The following C8A variants were observed in gnomAD, a reference collection of about 807,000 sequenced individuals.
C8A encodes the protein complement C8 alpha chain.
In C8A, 67 loss-of-function variants were observed where a neutral mutation model predicts 65.3. That is an observed-to-expected ratio of 1.03 (90% confidence interval 0.84 to 1.26). The LOEUF is 1.26. Among genes scored for constraint, C8A ranks in the 50% most tolerant of loss-of-function variants. The probability of loss-of-function intolerance (pLI) is 0.00; values close to 1 mark genes in which losing one functional copy is unlikely to be tolerated. For synonymous variants in C8A, 290 were observed against 259.4 expected, an observed-to-expected ratio of 1.12 and a Z score of -1.13; for missense variants, 781 against 723.9, an observed-to-expected ratio of 1.08 and a Z score of -0.90.
At chr1:56,894,624 T>A (rs553418108) in intron 7 of C8A, among the ~76,000 whole-genome samples, 4 of 152,242 alleles carry the variant, frequency 2.6e-5, no homozygotes, top group African/African-American at 9.6e-5. Flanking sequence ...GGACAGAAGT[T>A]AAAACCTCAC....
In C8A at chr1:56,917,664, A is replaced by G. The variant is rs781398784; in HGVS notation, c.1703A>G (p.Gln568Arg). 2.4e-5 allele frequency: 38 copies of G among 1,614,090 alleles called. No individual in the cohort carries two copies. Among genetic ancestry groups the G allele is most frequent in the Non-Finnish European group, 1.3e-5 (15 of 1,180,034 alleles). The change falls in exon 11 of 11, where the codon CAG (glutamine) becomes CGG (arginine). Residue 568 changes from glutamine (Q) to arginine (R), a missense_variant. Gln to Arg is a conservative substitution (Grantham distance 43). Coordinates refer to ENST00000361249, the MANE Select transcript of C8A (RefSeq NM_000562.3). ...AGAGAGTGTGACAATCCAGCACCTC[A>G]GAATGGAGGGGCCTCGTGTCCAGGG... ...RRRECDNPAP[Q>R]NGGASCPGRK...
In C8A at chr1:56,876,123, T is replaced by C; in HGVS notation, c.378T>C (p.Asp126=). The C allele has an allele frequency of 6.2e-7, 1 of 1,613,856 alleles. No individual in the cohort carries two copies. The highest frequency in any genetic ancestry group is 8.5e-7 in the Non-Finnish European group (1 of 1,179,872). Residue 126 remains aspartate (D), a synonymous_variant, in exon 4 of 11, where the codon GAT becomes GAC. Transcript: ENST00000361249. ...ACCAGGACTGCCTTGATGGCTCTGA[T>C]GAGGACGACTGTGAAGATGTCAGGG... ...NGDQDCLDGS[D]EDDCEDVRAI... is the part of the protein sequence containing the mutation.
In C8A at chr1:56,917,901, T is replaced by C; in HGVS notation, c.*185T>C. ...CCAACTATTCTATTAGTTACAAAAC[T>C]CAATCATTTTATTCAGCAACTGGAT... is the stretch of plus-strand genomic sequence containing the variant. On this transcript the variant is annotated 3_prime_UTR_variant, in exon 11 of 11. Coordinates refer to ENST00000361249, the MANE Select transcript of C8A (RefSeq NM_000562.3). 1.6e-6 allele frequency: 1 copy of C among 641,916 alleles called. No individual in the cohort carries two copies. 39.8% of individuals were successfully genotyped at this position (641,916 alleles called of 1,614,324 possible). A position where few individuals can be genotyped will look rare whatever the true frequency, so the allele number is the denominator to read the frequency against.
At chr1:56,900,529 C>A (rs1366380233) in intron 7 of C8A, among the ~76,000 whole-genome samples, 2 of 152,184 alleles carry the variant, frequency 1.3e-5, no homozygotes, top group Non-Finnish European at 2.9e-5. Context: ...TTAACCACCA[C>A]AATTCCTGCT....
chr1:56,863,068 A>C (rs1644049864), intron 1 of C8A, among the ~76,000 whole-genome samples: 1 of 152,198 alleles, frequency 6.6e-6, no homozygotes, highest in Non-Finnish European at 1.5e-5. Context: ...TCTATTATTA[A>C]GTGGAAGAAT....
rs1227800176 is a variant in C8A at position 56,906,677 on chromosome 1, C to A, written c.1107C>A (p.Ser369Arg). The change falls in exon 8 of 11, where the codon AGC becomes AGA. Residue 369 changes from serine (S) to arginine (R), a missense_variant. Ser to Arg is a moderately radical substitution (Grantham distance 110). Transcript: ENST00000361249. ...KAKMESLGITSRDITTCFGGS... is the reference protein window; with the variant it reads ...KAKMESLGITRRDITTCFGGS... ...GTCTCCCTGTTGCAGGTATTACCAG[C>A]AGAGATATCACGACATGTTTTGGAG... 1 of 1,614,026 alleles carries A rather than the reference C, an allele frequency of 6.2e-7. No homozygotes were observed.
intron 1 of C8A, among the ~76,000 whole-genome samples, chr1:56,865,071 T>C (rs1006718754): frequency 5.3e-5 from 8 of 152,220 alleles, no homozygotes; most frequent in Non-Finnish European, 1.2e-4. Context: ...GTAAGAATTG[T>C]TAATTTAATT....
chr1:56,857,907 G>T (rs968434884), intron 1 of C8A, among the ~76,000 whole-genome samples: 2 of 151,960 alleles, frequency 1.3e-5, no homozygotes, highest in African/African-American at 4.8e-5. Flanking sequence ...AAGTCCCACA[G>T]GTCAGTGATG....
At position 56,883,410 on chromosome 1, in the gene C8A, T is replaced by C. The variant is rs749930513; in HGVS notation, c.655-71T>C. On this transcript the variant is annotated intron_variant, in intron 5 of 10. Transcript: ENST00000361249. ...TTTAGATATTTTACAAAGCAAAGAT[T>C]TAAGTATTAAATATGAATTGAGAAA... is the stretch of plus-strand genomic sequence containing the variant. 5.6e-4 allele frequency: 753 copies of C among 1,339,364 alleles called. 8 individuals are homozygous for C. The highest frequency in any genetic ancestry group is 1.4e-4 in the Admixed American group (8 of 57,866). 83.0% of individuals were successfully genotyped at this position (1,339,364 alleles called of 1,614,324 possible). A position where few individuals can be genotyped will look rare whatever the true frequency, so the allele number is the denominator to read the frequency against.
intron 1 of C8A, among the ~76,000 whole-genome samples, chr1:56,863,120 A>T (rs529710813): frequency 6.6e-6 from 1 of 152,344 alleles, no homozygotes; most frequent in East Asian, 1.9e-4. Flanking sequence ...TCAATATGTT[A>T]TGAAAATAAA....
At chr1:56,857,797 G>C (rs1229499194) in intron 1 of C8A, among the ~76,000 whole-genome samples, 5 of 151,694 alleles carry the variant, frequency 3.3e-5, no homozygotes, top group Admixed American at 3.3e-4. Flanking sequence ...CATCAAATTT[G>C]AAAATTTTTG....
chr1:56,917,471 G>A, intron 10 of C8A, 94 bp from the exon 11 acceptor site: 1 of 1,337,490 alleles, frequency 7.5e-7, no homozygotes. Flanking sequence ...CCTCTCCCAA[G>A]GGTGCCACAC....
intron 2 of C8A, among the ~76,000 whole-genome samples, chr1:56,873,861 A>G (rs1644171506): frequency 6.6e-6 from 1 of 152,134 alleles, no homozygotes; most frequent in Non-Finnish European, 1.5e-5. Flanking sequence ...GAAGGCAGGG[A>G]TAGAACCTCA....
At chr1:56,897,614 T>A (rs1020180024) in intron 7 of C8A, among the ~76,000 whole-genome samples, 2 of 151,798 alleles carry the variant, frequency 1.3e-5, no homozygotes, top group African/African-American at 2.4e-5. Flanking sequence ...GTGAGGAGAG[T>A]GATTGGGGTG....
At chr1:56,869,490 T>C (rs886470081) in intron 2 of C8A, among the ~76,000 whole-genome samples, 1 of 152,186 alleles carries the variant, frequency 6.6e-6, no homozygotes, top group Non-Finnish European at 1.5e-5. Flanking sequence ...TGTATTACAG[T>C]CTCTTTTGTA....
At chr1:56,899,483 A>G (rs1464468687) in intron 7 of C8A, among the ~76,000 whole-genome samples, 3 of 152,158 alleles carry the variant, frequency 2.0e-5, no homozygotes, top group African/African-American at 4.8e-5. Flanking sequence ...GGGACTGATC[A>G]TTCCTATTGT....
chr1:56,860,073 AT>A (rs1167506297), intron 1 of C8A, among the ~76,000 whole-genome samples: 4 of 152,016 alleles, frequency 2.6e-5, no homozygotes, highest in Non-Finnish European at 4.4e-5. Flanking sequence ...AAAAGAAAAA[AT>A]TTTTTTTTAC....
intron 1 of C8A, among the ~76,000 whole-genome samples, chr1:56,866,910 G>A (rs1644094836): frequency 6.6e-6 from 1 of 152,140 alleles, no homozygotes; most frequent in African/African-American, 2.4e-5. Flanking sequence ...AGCAGGAAAT[G>A]GGTTTTGCCA....
At chr1:56,882,764 G>A (rs574466971) in intron 5 of C8A, among the ~76,000 whole-genome samples, 17 of 152,070 alleles carry the variant, frequency 1.1e-4, no homozygotes, top group Non-Finnish European at 1.9e-4. Context: ...CAGGCAAGAC[G>A]GACTAAGTGC....
Sources: gnomAD v4.1 joint callset for allele counts (sites outside exome capture counted in the v4.1 genomes callset) on GRCh38, gnomAD v4.1.1 for gene constraint, MANE v1.5 for transcripts, NCBI Gene and HGNC (gene_info 2026-07-23, HGNC 2026-07-21) for gene names.